ZCCHC4: variants seen among roughly 807,000 people sequenced by gnomAD.
ZCCHC4 encodes the protein rRNA N(6)-adenosine-methyltransferase ZCCHC4.
Under a neutral mutation model 67.7 loss-of-function variants are expected in ZCCHC4, and 54 were observed. The observed-to-expected ratio is 0.80, with a 90% CI of 0.64 to 1.00. The LOEUF (loss-of-function observed/expected upper bound fraction) is 1.00, where lower values mean the gene tolerates loss of function less well. Ranked by LOEUF, ZCCHC4 falls within the 50% of genes least tolerant of loss-of-function variation. ZCCHC4 has a pLI of 0.00. For missense variants in ZCCHC4, 609 were observed against 617.0 expected (o/e 0.99, Z 0.14); for synonymous variants, 198 against 213.5 (o/e 0.93, Z 0.63).
At chr4:25,325,256 AAAAAAAAG>A (rs1240998536) in intron 3 of ZCCHC4, among the ~76,000 whole-genome samples, 1 of 150,632 alleles carries the variant, frequency 6.6e-6, no homozygotes, top group African/African-American at 2.4e-5. Context: ...AAAAAAAAAA[AAAAAAAAG>A]AAATATTTTC....
intron 8 of ZCCHC4, among the ~76,000 whole-genome samples, chr4:25,354,558 T>C (rs1168373270): frequency 1.3e-5 from 2 of 152,366 alleles, no homozygotes; most frequent in East Asian, 3.9e-4. Context: ...ATTATTTGAT[T>C]ACGTTCTTGG....
In ZCCHC4 at chr4:25,365,145, C is replaced by T; in HGVS notation, c.1385C>T (p.Ala462Val). 6.2e-7 allele frequency: 1 copy of T among 1,614,086 alleles called. No individual in the cohort carries two copies. The highest frequency in any genetic ancestry group is 8.5e-7 in the Non-Finnish European group (1 of 1,179,982). ...AAACGCAGTACTTGTCCTAACATTG[C>T]TACATCTAAGAGAGCTAACAAGTCA... Reference protein sequence around the residue: ...DHKRSTCPNIATSKRANKAVR... With the variant: ...DHKRSTCPNIVTSKRANKAVR... Residue 462 changes from alanine (A) to valine (V), a missense_variant, in exon 12 of 13, where the codon GCT (alanine) becomes GTT (valine). Transcript: ENST00000302874.
intron 6 of ZCCHC4, among the ~76,000 whole-genome samples, chr4:25,348,768 G>A (rs1197225623): frequency 6.6e-6 from 1 of 152,128 alleles, no homozygotes; most frequent in African/African-American, 2.4e-5. Context: ...GTACTTGAAA[G>A]CTACTTGCAA....
intron 3 of ZCCHC4, among the ~76,000 whole-genome samples, chr4:25,331,543 G>C (rs955643011): frequency 6.6e-6 from 1 of 152,216 alleles, no homozygotes; most frequent in Admixed American, 6.5e-5. Context: ...CTGGCCTCAA[G>C]TGATCCTCCT....
rs538363295 is a variant in ZCCHC4 at position 25,351,597 on chromosome 4, C to G, written c.919C>G (p.His307Asp). ...TTTTTGTGATCCATTAGATGACAGTCACAAAGAACTACCCATTTTCTGGAT... is the reference window on the plus strand; with the variant it reads ...TTTTTGTGATCCATTAGATGACAGTGACAAAGAACTACCCATTTTCTGGAT... Reference protein sequence around the residue: ...WKEGQSQDDSHKELPIFWIFP... With the variant: ...WKEGQSQDDSDKELPIFWIFP... The change falls in exon 8 of 13, where the codon CAC (histidine) becomes GAC (aspartate). Residue 307 changes from histidine (H) to aspartate (D), a missense_variant. Physicochemically the swap from His to Asp is moderately conservative, Grantham distance 81. Coordinates refer to ENST00000302874, the MANE Select transcript of ZCCHC4 (RefSeq NM_024936.3). 3.7e-6 allele frequency: 6 copies of G among 1,606,576 alleles called. No homozygotes were observed. The highest frequency in any genetic ancestry group is 5.1e-6 in the Non-Finnish European group (6 of 1,176,396).
At chr4:25,367,082 A>G (rs1038979633) in intron 12 of ZCCHC4, among the ~76,000 whole-genome samples, 1 of 152,216 alleles carries the variant, frequency 6.6e-6, no homozygotes, top group Admixed American at 6.5e-5. Context: ...AGTGAAAAAT[A>G]ACAGCCTTTT....
chr4:25,350,650 G>A (rs1019266736), intron 7 of ZCCHC4, among the ~76,000 whole-genome samples: 1 of 152,186 alleles, frequency 6.6e-6, no homozygotes, highest in Non-Finnish European at 1.5e-5. Flanking sequence ...TTTGTTAAGA[G>A]TGTCAGGAAT....
At chr4:25,360,714 A>C (rs1720696107) in intron 8 of ZCCHC4, among the ~76,000 whole-genome samples, 1 of 152,206 alleles carries the variant, frequency 6.6e-6, no homozygotes, top group African/African-American at 2.4e-5. Flanking sequence ...CTGTAGTCCT[A>C]ATGCAAGATA....
intron 6 of ZCCHC4, among the ~76,000 whole-genome samples, chr4:25,348,906 A>C (rs1448860865): frequency 2.0e-5 from 3 of 152,212 alleles, no homozygotes; most frequent in African/African-American, 7.2e-5. Context: ...CTTTGGGAAA[A>C]TGTGTTAATA....
chr4:25,332,078 C>T (rs569971915), intron 3 of ZCCHC4, among the ~76,000 whole-genome samples: 3 of 152,232 alleles, frequency 2.0e-5, no homozygotes, highest in African/African-American at 4.8e-5. Context: ...GAGGCCAAGG[C>T]GGGCGGATCA....
intron 7 of ZCCHC4, among the ~76,000 whole-genome samples, chr4:25,350,842 G>A (rs925300869): frequency 7.9e-5 from 12 of 152,292 alleles, no homozygotes; most frequent in African/African-American, 2.6e-4. Flanking sequence ...TTCCTGTTCT[G>A]CCACTTATTA....
In ZCCHC4 at chr4:25,312,875, C is replaced by A. The variant is rs753584671; in HGVS notation, c.66C>A (p.Ser22Arg). The A allele has an allele frequency of 1.2e-6, 2 of 1,612,996 alleles. No individual in the cohort carries two copies. Reference sequence around the variant, plus strand: ...AGGGCAGCGCAGGGTGCCGGGGAAGCTCGGGAATGGAGGTGGTGCTTCCTT... The same window carrying A: ...AGGGCAGCGCAGGGTGCCGGGGAAGATCGGGAATGGAGGTGGTGCTTCCTT... ...EAEGSAGCRGSSGMEVVLPLD... is the reference protein window; with the variant it reads ...EAEGSAGCRGRSGMEVVLPLD... The change falls in exon 1 of 13, where the codon AGC becomes AGA. Residue 22 changes from serine to arginine, a missense_variant. Coordinates refer to ENST00000302874, the MANE Select transcript of ZCCHC4 (RefSeq NM_024936.3).
chr4:25,363,959 T>C (rs1265623559), intron 10 of ZCCHC4, among the ~76,000 whole-genome samples: 1 of 152,242 alleles, frequency 6.6e-6, no homozygotes, highest in African/African-American at 2.4e-5. Context: ...CCGTGTTTGC[T>C]TTACAATACT....
intron 6 of ZCCHC4, 90 bp from the exon 7 acceptor site, chr4:25,349,402 A>G: frequency 7.7e-7 from 1 of 1,296,304 alleles, no homozygotes; most frequent in East Asian, 2.3e-5. Context: ...CAGTATTAAG[A>G]GAGAGACTGA....
At position 25,325,068 on chromosome 4, in the gene ZCCHC4, C is replaced by G. The variant is rs1467050097; in HGVS notation, c.330-8115C>G. Among the ~76,000 whole-genome samples, 6 of 150,118 alleles carry G rather than the reference C, an allele frequency of 4.0e-5. No individual in the cohort carries two copies. The Admixed American group carries it at 4.0e-4, about 10-fold the overall frequency. Reference sequence around the variant, plus strand: ...ACCATCCTGGCTAACACAGTGAAACCCCGTCTCTACTAAAAATACAAAAAA... The same window carrying G: ...ACCATCCTGGCTAACACAGTGAAACGCCGTCTCTACTAAAAATACAAAAAA... On this transcript the variant is annotated intron_variant, in intron 3 of 12. Transcript: ENST00000302874.
chr4:25,370,051 G>A lies in ZCCHC4; in HGVS notation c.*887G>A, dbSNP rs2109099596. ...AATATTTATTCTTCAAGTACTTTTTGCAGTTGTCCTCTGACGGTCTAGAAT... is the reference window on the plus strand; with the variant it reads ...AATATTTATTCTTCAAGTACTTTTTACAGTTGTCCTCTGACGGTCTAGAAT... On this transcript the variant is annotated 3_prime_UTR_variant, in exon 13 of 13. Transcript: ENST00000302874. 6.6e-6 allele frequency: 1 copy of A among 152,128 alleles called. No homozygotes were observed. The highest frequency in any genetic ancestry group is 2.4e-5 in the African/African-American group (1 of 41,548). The allele number at this position is 152,128 out of a possible 1,614,324, so 9.4% of individuals were successfully genotyped here.
chr4:25,334,947 C>T (rs1327263067), intron 5 of ZCCHC4, among the ~76,000 whole-genome samples: 1 of 152,048 alleles, frequency 6.6e-6, no homozygotes, highest in Non-Finnish European at 1.5e-5. Context: ...AGGCGATCCT[C>T]TAACCTCAGT....
chr4:25,361,570 T>A (rs927848677), intron 8 of ZCCHC4: 33 of 330,888 alleles, frequency 1.0e-4, no homozygotes, highest in Non-Finnish European at 1.5e-4. Context: ...GCTGTACATA[T>A]GGCCTGCACC....
At chr4:25,326,998 G>A (rs1230648936) in intron 3 of ZCCHC4, among the ~76,000 whole-genome samples, 1 of 152,088 alleles carries the variant, frequency 6.6e-6, no homozygotes, top group African/African-American at 2.4e-5. Flanking sequence ...ATTGTCTATT[G>A]CTAGACTCTA....
Sources: gnomAD v4.1 joint callset for allele counts (sites outside exome capture counted in the v4.1 genomes callset) on GRCh38, gnomAD v4.1.1 for gene constraint, MANE v1.5 for transcripts, NCBI Gene and HGNC (gene_info 2026-07-23, HGNC 2026-07-21) for gene names.